Variants in SSR2 observed in about 807,000 individuals in gnomAD.
The protein encoded by SSR2 is translocon-associated protein subunit beta.
SSR2 carries 16 observed loss-of-function variants against 22.6 expected under a neutral mutation model. The observed-to-expected ratio is 0.71, with a 90% CI of 0.48 to 1.08. SSR2 has a LOEUF of 1.08. Ranked by LOEUF, SSR2 falls within the 50% of genes least tolerant of loss-of-function variation. The probability of loss-of-function intolerance (pLI) is 0.00; values close to 1 mark genes in which losing one functional copy is unlikely to be tolerated. For synonymous variants in SSR2, 83 were observed against 91.2 expected (o/e 0.91, Z 0.51); for missense variants, 171 against 221.6 (o/e 0.77, Z 1.45).
At chr1:156,012,427 T>C (rs1682990532) in intron 4 of SSR2, 3 of 423,480 alleles carry the variant, frequency 7.1e-6, no homozygotes, top group South Asian at 3.3e-5. Context: ...CTGGTCCACA[T>C]TCCTTTGTCT....
rs768964085 is a variant in SSR2 at position 156,018,218 on chromosome 1, G to A, written c.254+52C>T. 134 of 1,415,146 alleles carry A rather than the reference G, an allele frequency of 9.5e-5. 2 individuals are homozygous for A. In the East Asian group the frequency reaches 3.0e-3, roughly 32 times the overall value. The allele number at this position is 1,415,146 out of a possible 1,614,324, so 87.7% of individuals were successfully genotyped here. Reference sequence around the variant, plus strand: ...TTGAAGTACCCCTGCTGCTTTGCAGGCAAGGCTCTCCCTGCCCCCCGACCC... The same window carrying A: ...TTGAAGTACCCCTGCTGCTTTGCAGACAAGGCTCTCCCTGCCCCCCGACCC... On this transcript the variant is annotated intron_variant, in intron 3 of 5. Transcript: ENST00000295702.
intron 3 of SSR2, among the ~76,000 whole-genome samples, chr1:156,016,646 A>C (rs1357339709): frequency 2.0e-5 from 3 of 152,176 alleles, no homozygotes; most frequent in African/African-American, 7.2e-5. Context: ...CTCACCAATA[A>C]ACCTAAACGT....
chr1:156,017,062 TA>T (rs1417566890), intron 3 of SSR2, among the ~76,000 whole-genome samples: 1 of 152,214 alleles, frequency 6.6e-6, no homozygotes, highest in Non-Finnish European at 1.5e-5. Context: ...AATTATTATT[TA>T]AGAGACTAGG....
intron 3 of SSR2, among the ~76,000 whole-genome samples, chr1:156,016,468 C>A (rs1320447867): frequency 2.0e-5 from 3 of 151,888 alleles, no homozygotes; most frequent in African/African-American, 7.3e-5. Context: ...GATCTCCTGA[C>A]CTCGTGATCC....
intron 2 of SSR2, among the ~76,000 whole-genome samples, chr1:156,019,429 G>A (rs567479194): frequency 6.6e-6 from 1 of 152,206 alleles, no homozygotes; most frequent in Admixed American, 6.5e-5. Flanking sequence ...TGTGGCTCAG[G>A]CTGGAGTGCA....
At chr1:156,019,775 C>T (rs1438310969) in intron 2 of SSR2, among the ~76,000 whole-genome samples, 6 of 152,286 alleles carry the variant, frequency 3.9e-5, no homozygotes, top group East Asian at 1.9e-4. Context: ...ACAATTCTTG[C>T]CACTTCCCTA....
chr1:156,012,180 C>G (rs1682986488), intron 4 of SSR2: 1 of 309,740 alleles, frequency 3.2e-6, no homozygotes, highest in Admixed American at 4.4e-5. Context: ...GAAATTAAAG[C>G]CAAATTCTTC....
chr1:156,012,621 G>A (rs1682995682), intron 4 of SSR2: 1 of 448,884 alleles, frequency 2.2e-6, no homozygotes, highest in African/African-American at 2.0e-5. Flanking sequence ...GAAGAATATG[G>A]TTCCATGTAG....
At chr1:156,014,741 C>A in intron 4 of SSR2, 1 of 390,024 alleles carries the variant, frequency 2.6e-6, no homozygotes, top group Non-Finnish European at 4.8e-6. Context: ...GGGGCTTCTG[C>A]ATGTTGGCCA....
intron 3 of SSR2, among the ~76,000 whole-genome samples, chr1:156,015,801 AG>A (rs1340193717): frequency 6.6e-6 from 1 of 151,488 alleles, no homozygotes; most frequent in East Asian, 1.9e-4. Flanking sequence ...TGTTATACTC[AG>A]TGTCATGGTT....
In SSR2 at chr1:156,015,012, G is replaced by GA. The variant is rs777335361; in HGVS notation, c.311_312insT (p.Phe105LeufsTer36). The GA allele has an allele frequency of 6.2e-7, 1 of 1,614,052 alleles. No homozygotes were observed. Among genetic ancestry groups the GA allele is most frequent in the Admixed American group, 1.7e-5 (1 of 60,006 alleles). On this transcript the variant is annotated frameshift_variant, in exon 4 of 6. Transcript: ENST00000295702. LOFTEE classifies it high-confidence loss of function. ...GGTAAGTAATTGTTGCCGAGGTGAA[G>GA]TTGAAATAACCAGCCTTGAGAGGGC...
At chr1:156,012,806 A>C (rs1682998049) in intron 4 of SSR2, 2 of 299,252 alleles carry the variant, frequency 6.7e-6, no homozygotes, top group Non-Finnish European at 1.3e-5. Context: ...TTATACATTT[A>C]TGACTTAAGC....
chr1:156,012,415 G>A, intron 4 of SSR2: 1 of 410,654 alleles, frequency 2.4e-6, no homozygotes, highest in East Asian at 7.2e-5. Flanking sequence ...GAGGGGTTGA[G>A]TCTGGTCCAC....
At position 156,018,244 on chromosome 1, in the gene SSR2, T is replaced by G. The variant is rs375527741; in HGVS notation, c.254+26A>C. On this transcript the variant is annotated intron_variant, in intron 3 of 5. Coordinates refer to ENST00000295702, the MANE Select transcript of SSR2 (RefSeq NM_003145.4). The stretch of plus-strand genomic sequence containing the variant: ...CAAGGCTCTCCCTGCCCCCCGACCC[T>G]TCATCACCAAGTGCCAAGAGGATAC... 576 of 1,592,948 alleles carry G rather than the reference T, an allele frequency of 3.6e-4. 1 individual carries two copies. Among genetic ancestry groups the G allele is most frequent in the Non-Finnish European group, 4.6e-4 (535 of 1,161,226 alleles).
chr1:156,013,409 G>C (rs1276013087), intron 4 of SSR2: 3 of 152,918 alleles, frequency 2.0e-5, no homozygotes, highest in Admixed American at 6.6e-5. Flanking sequence ...CTGGGTGACA[G>C]AGTGAGACTC....
rs757236241 is a variant in SSR2 at position 156,017,739 on chromosome 1, G to GTTTTTTTTT, written c.254+522_254+530dup. ...ATCCTCCCAGTATAGTATGTTTCAG[G>GTTTTTTTTT]TTTTTTTTTTTTTTTTTTTTTTTTT... is the stretch of plus-strand genomic sequence containing the variant. On this transcript the variant is annotated intron_variant, in intron 3 of 5. Coordinates refer to ENST00000295702, the MANE Select transcript of SSR2 (RefSeq NM_003145.4). Among the ~76,000 whole-genome samples the GTTTTTTTTT allele has an allele frequency of 3.2e-4, 20 of 61,886 alleles. 4 individuals are homozygous for GTTTTTTTTT. The highest frequency in any genetic ancestry group is 6.0e-4 in the East Asian group (1 of 1,676). 40.6% of individuals were successfully genotyped at this position (61,886 alleles called of 152,430 possible).
At position 156,015,090 on chromosome 1, in the gene SSR2, C is replaced by T. The variant is rs756115469; in HGVS notation, c.255-21G>A. The stretch of plus-strand genomic sequence containing the variant: ...TAGCACTGGCTCAAGAGTTAAGGAA[C>T]GGAAAGAGATGAAGCTAAAGTTGTA... On this transcript the variant is annotated intron_variant, in intron 3 of 5. Transcript: ENST00000295702. 5.1e-5 allele frequency: 82 copies of T among 1,593,050 alleles called. 3 individuals are homozygous for T. The South Asian group carries it at 8.0e-4, about 16-fold the overall frequency.
chr1:156,009,966 G>A (rs1682957032), intron 5 of SSR2, among the ~76,000 whole-genome samples: 1 of 151,626 alleles, frequency 6.6e-6, no homozygotes, highest in African/African-American at 2.4e-5. Flanking sequence ...TAGAGACTGG[G>A]TTTCACCATG....
chr1:156,015,186 G>A (rs1378790695), intron 3 of SSR2, 117 bp from the exon 4 acceptor site: 4 of 748,192 alleles, frequency 5.3e-6, no homozygotes, highest in East Asian at 2.8e-5. Context: ...ATCTCATGCC[G>A]GCAATATTCT....
Sources: gnomAD v4.1 joint callset for allele counts (sites outside exome capture counted in the v4.1 genomes callset) on GRCh38, gnomAD v4.1.1 for gene constraint, MANE v1.5 for transcripts, NCBI Gene and HGNC (gene_info 2026-07-23, HGNC 2026-07-21) for gene names.